INTS8: variants seen among roughly 807,000 people sequenced by gnomAD.
INTS8 encodes the protein protein kaonashi-1.
Under a neutral mutation model 138.9 loss-of-function variants are expected in INTS8, and 47 were observed. That is an observed-to-expected ratio of 0.34 (90% CI 0.27 to 0.43). The LOEUF is 0.43. INTS8 is among the 20% of genes least tolerant of loss of function. The pLI, the probability that INTS8 is intolerant of heterozygous loss-of-function variation, is 1.00. For synonymous variants in INTS8, 392 were observed against 400.9 expected (o/e 0.98, Z 0.27); for missense variants, 996 against 1,173.0 (o/e 0.85, Z 2.20).
chr8:94,847,811 CTA>C (rs1181562837), intron 10 of INTS8, among the ~76,000 whole-genome samples: 1 of 152,006 alleles, frequency 6.6e-6, no homozygotes, highest in Non-Finnish European at 1.5e-5. Flanking sequence ...AAGCTTCTCA[CTA>C]TGTGAATAAA....
In INTS8 at chr8:94,844,506, G is replaced by A. The variant is rs766197724; in HGVS notation, c.1260+2018G>A. On this transcript the variant is annotated intron_variant, in intron 10 of 26. Coordinates refer to ENST00000523731, the MANE Select transcript of INTS8 (RefSeq NM_017864.4). ...TAATTTTTGTATTTTTAGTAGCGAC[G>A]GGGTTTTGCCATTTTGGCCAGGCTG... 1.7e-4 allele frequency among the ~76,000 whole-genome samples: 26 copies of A among 151,360 alleles called. No individual in the cohort carries two copies. The East Asian group carries it at 4.3e-3, about 25-fold the overall frequency.
At chr8:94,854,408 C>G (rs763529211) in intron 14 of INTS8, among the ~76,000 whole-genome samples, 4 of 152,118 alleles carry the variant, frequency 2.6e-5, no homozygotes, top group Non-Finnish European at 5.9e-5. Flanking sequence ...CAAATGAATA[C>G]TGCTCTGTGC....
At chr8:94,866,400 C>A in intron 18 of INTS8, 2 of 537,880 alleles carry the variant, frequency 3.7e-6, no homozygotes, top group Admixed American at 3.0e-5. Flanking sequence ...TTAAGCAGTC[C>A]TCCTGCCTCA....
At chr8:94,868,474 G>T (rs150051274) in intron 20 of INTS8, among the ~76,000 whole-genome samples, 2 of 152,220 alleles carry the variant, frequency 1.3e-5, no homozygotes, top group East Asian at 1.9e-4. Context: ...GTCAGAGCAG[G>T]TGAGTGCCCC....
chr8:94,845,426 A>G (rs1342476135), intron 10 of INTS8, among the ~76,000 whole-genome samples: 3 of 152,000 alleles, frequency 2.0e-5, no homozygotes, highest in South Asian at 2.1e-4. Context: ...TATTATGTCC[A>G]TGTCCTGATA....
chr8:94,856,862 A>G lies in INTS8; in HGVS notation c.1838A>G (p.Asn613Ser). Residue 613 changes from asparagine (N) to serine (S), a missense_variant, in exon 15 of 27, where the codon AAT becomes AGT. Transcript: ENST00000523731. ...FSPKLRQVMLNEMLLLDIHTH... is the reference protein window; with the variant it reads ...FSPKLRQVMLSEMLLLDIHTH... ...CCGAAGCTTCGTCAGGTCATGCTGAATGAGATGTTGCTTTTGGATATTCAT... is the reference window on the plus strand; with the variant it reads ...CCGAAGCTTCGTCAGGTCATGCTGAGTGAGATGTTGCTTTTGGATATTCAT... 6.2e-7 allele frequency: 1 copy of G among 1,614,146 alleles called. No individual in the cohort carries two copies.
At chr8:94,877,650 C>T (rs1282078992) in intron 26 of INTS8, among the ~76,000 whole-genome samples, 1 of 152,168 alleles carries the variant, frequency 6.6e-6, no homozygotes, top group African/African-American at 2.4e-5. Context: ...ACCTGTCACC[C>T]TGAGCTTTAC....
intron 7 of INTS8, among the ~76,000 whole-genome samples, 159 bp from the exon 8 acceptor site, chr8:94,838,304 C>T (rs1815008161): frequency 6.6e-6 from 1 of 152,202 alleles, no homozygotes; most frequent in Non-Finnish European, 1.5e-5. Context: ...CCAGTCTCGG[C>T]CTCCCAAAGT....
At chr8:94,834,794 T>G (rs1814863702) in intron 6 of INTS8, among the ~76,000 whole-genome samples, 1 of 152,160 alleles carries the variant, frequency 6.6e-6, no homozygotes, top group African/African-American at 2.4e-5. Flanking sequence ...TAACCTGGAT[T>G]CTTTGAATTG....
In INTS8 at chr8:94,827,321, C is replaced by T; in HGVS notation, c.364C>T (p.Pro122Ser). 1 of 1,613,466 alleles carries T rather than the reference C, an allele frequency of 6.2e-7. No homozygotes were observed. The highest frequency in any genetic ancestry group is 8.5e-7 in the Non-Finnish European group (1 of 1,179,390). The change falls in exon 3 of 27, where the codon CCT (proline) becomes TCT (serine). Residue 122 changes from proline to serine, a missense_variant. Physicochemically the swap from Pro to Ser is moderately conservative, Grantham distance 74. Coordinates refer to ENST00000523731, the MANE Select transcript of INTS8 (RefSeq NM_017864.4). ...TGAACTACTCTGCATCAGTAAAGTT[C>T]CTCCTGGGACAAAGCATGTAGACAT... ...LNELLCISKVPPGTKHVDMDL... is the reference protein window; with the variant it reads ...LNELLCISKVSPGTKHVDMDL...
chr8:94,852,803 T>A (rs1815597250), intron 13 of INTS8, among the ~76,000 whole-genome samples: 1 of 152,092 alleles, frequency 6.6e-6, no homozygotes, highest in South Asian at 2.1e-4. Flanking sequence ...GTTCTCCATG[T>A]TGGTCAGGCT....
intron 13 of INTS8, among the ~76,000 whole-genome samples, chr8:94,852,411 A>C (rs1815578545): frequency 6.6e-6 from 1 of 152,232 alleles, no homozygotes; most frequent in Admixed American, 6.5e-5. Flanking sequence ...TCCAGCATAG[A>C]AAGTGCAAAT....
intron 14 of INTS8, 73 bp downstream of exon 14, chr8:94,853,988 A>G: frequency 1.1e-6 from 1 of 904,428 alleles, no homozygotes; most frequent in Non-Finnish European, 1.8e-6. Context: ...CATACCTGTA[A>G]TACCAGCACT....
At chr8:94,838,647 GT>G in intron 8 of INTS8, 29 bp downstream of exon 8, 1 of 1,577,852 alleles carries the variant, frequency 6.3e-7, no homozygotes, top group Non-Finnish European at 8.7e-7. Context: ...ATGCAGTGAA[GT>G]TTTGGAAGCC....
chr8:94,861,450 A>T (rs1372379740), intron 16 of INTS8, among the ~76,000 whole-genome samples: 1 of 150,696 alleles, frequency 6.6e-6, no homozygotes, highest in Non-Finnish European at 1.5e-5. Context: ...TTTAGTGGTG[A>T]CGGGGTTTCA....
chr8:94,880,762 A>AT lies in INTS8; in HGVS notation c.*530dup, dbSNP rs200548685. 3.0e-3 allele frequency: 1,179 copies of AT among 397,678 alleles called. 3 individuals are homozygous for AT. Among genetic ancestry groups the AT allele is most frequent in the Middle Eastern group, 0.026 (41 of 1,580 alleles). The allele number at this position is 397,678 out of a possible 1,614,324, so 24.6% of individuals were successfully genotyped here. ...ATAAATAAAGCCTTAGTCACACTAA[A>AT]TTAAAAAAAAAAATTCCTTAGGGAT... is the stretch of plus-strand genomic sequence containing the variant. On this transcript the variant is annotated 3_prime_UTR_variant, in exon 27 of 27. Coordinates refer to ENST00000523731, the MANE Select transcript of INTS8 (RefSeq NM_017864.4).
intron 14 of INTS8, among the ~76,000 whole-genome samples, chr8:94,855,022 A>C (rs1815694179): frequency 6.6e-6 from 1 of 151,472 alleles, no homozygotes; most frequent in Admixed American, 6.6e-5. Context: ...CTGGCATTAC[A>C]GGCATGAGCC....
chr8:94,878,839 A>T (rs1411059335), intron 26 of INTS8, among the ~76,000 whole-genome samples: 1 of 152,198 alleles, frequency 6.6e-6, no homozygotes, highest in Non-Finnish European at 1.5e-5. Context: ...CCTTCTTGAA[A>T]GTCTTTATTC....
At chr8:94,853,037 G>A (rs1815608522) in intron 13 of INTS8, among the ~76,000 whole-genome samples, 1 of 152,116 alleles carries the variant, frequency 6.6e-6, no homozygotes, top group South Asian at 2.1e-4. Flanking sequence ...AAGGCCAGGT[G>A]CAGTGGCTCA....
Sources: gnomAD v4.1 joint callset for allele counts (sites outside exome capture counted in the v4.1 genomes callset) on GRCh38, gnomAD v4.1.1 for gene constraint, MANE v1.5 for transcripts, NCBI Gene and HGNC (gene_info 2026-07-23, HGNC 2026-07-21) for gene names.